The following FBXO11 variants were observed in gnomAD, a reference collection of about 807,000 sequenced individuals.
The protein encoded by FBXO11 is F-box protein 11, also known as F-box only protein 11.
Under a neutral mutation model 117.0 loss-of-function variants are expected in FBXO11, and 13 were observed. That is an observed-to-expected ratio of 0.11 (90% CI 0.07 to 0.18). The LOEUF is 0.18. Among genes scored for constraint, FBXO11 ranks in the 10% least tolerant of loss-of-function variants. The pLI is 1.00. For missense variants in FBXO11, 767 were observed against 1,164.4 expected, an observed-to-expected ratio of 0.66 and a Z score of 4.97; for synonymous variants, 490 against 380.5, an observed-to-expected ratio of 1.29 and a Z score of -3.35.
chr2:47,898,107 G>A (rs938803077), intron 1 of FBXO11, among the ~76,000 whole-genome samples: 1 of 152,226 alleles, frequency 6.6e-6, no homozygotes, highest in African/African-American at 2.4e-5. Flanking sequence ...TAGAAACTGG[G>A]AGAGCAAGCA....
rs1223334089 is a variant in FBXO11, at chr2:47,845,148, C to G, written c.233-5379G>C. 3.3e-5 allele frequency among the ~76,000 whole-genome samples: 5 copies of G among 151,288 alleles called. No homozygotes were observed. The East Asian group carries it at 9.7e-4, about 29-fold the overall frequency. On this transcript the variant is annotated intron_variant, in intron 1 of 22. Coordinates refer to ENST00000403359, the MANE Select transcript of FBXO11 (RefSeq NM_001190274.2). ...GGACCTTATTACTACAGACACCCAC[C>G]CACCCCACCCTGGAATCCTTTGCTT... is the stretch of plus-strand genomic sequence containing the variant.
In FBXO11 at chr2:47,887,332, AT is replaced by A. The variant is rs779106767; in HGVS notation, c.232+18156del. Among the ~76,000 whole-genome samples the A allele has an allele frequency of 4.9e-3, 700 of 144,006 alleles. 1 individual carries two copies. The highest frequency in any genetic ancestry group is 6.0e-3 in the African/African-American group (237 of 39,542). 94.5% of individuals were successfully genotyped at this position (144,006 alleles called of 152,430 possible). A position where few individuals can be genotyped will look rare whatever the true frequency, so the allele number is the denominator to read the frequency against. On this transcript the variant is annotated intron_variant, in intron 1 of 22. Transcript: ENST00000403359. ...GGGGGGAGACAAGACCCTATCTCGA[AT>A]TTTTTTTTTTTTTCTTTTCAAAAGA...
At chr2:47,838,713 AT>A (rs2104854805) in intron 4 of FBXO11, 145 bp downstream of exon 4, 1 of 654,964 alleles carries the variant, frequency 1.5e-6, no homozygotes, top group South Asian at 2.4e-5. Flanking sequence ...GACAGCCCCC[AT>A]TTGTAACTTG....
At chr2:47,897,701 C>CAA (rs60982405) in intron 1 of FBXO11, among the ~76,000 whole-genome samples, 1,912 of 103,046 alleles carry the variant, frequency 0.019, 28 homozygotes, top group African/African-American at 0.059. Context: ...TGTCTTAAAC[C>CAA]AAAAAAAAAA....
At chr2:47,830,997 C>T (rs757744047) in intron 11 of FBXO11, among the ~76,000 whole-genome samples, 2 of 152,050 alleles carry the variant, frequency 1.3e-5, no homozygotes, top group Non-Finnish European at 2.9e-5. Flanking sequence ...CAGAGTTTCA[C>T]CATGTTGTCC....
chr2:47,845,430 G>C (rs1468471044), intron 1 of FBXO11, among the ~76,000 whole-genome samples: 2 of 152,084 alleles, frequency 1.3e-5, no homozygotes, highest in African/African-American at 4.8e-5. Context: ...TTTCTACATA[G>C]TTCTCATATT....
At chr2:47,841,902 G>C (rs1276373128) in intron 1 of FBXO11, among the ~76,000 whole-genome samples, 1 of 151,934 alleles carries the variant, frequency 6.6e-6, no homozygotes, top group Admixed American at 6.6e-5. Flanking sequence ...GCCTCCCAAA[G>C]GGCTGGGATT....
intron 1 of FBXO11, among the ~76,000 whole-genome samples, chr2:47,898,790 G>C (rs185656393): frequency 6.6e-6 from 1 of 152,262 alleles, no homozygotes; most frequent in Non-Finnish European, 1.5e-5. Context: ...GCAGGTTATT[G>C]CATCCCCTGA....
At chr2:47,889,021 A>G (rs1489531983) in intron 1 of FBXO11, among the ~76,000 whole-genome samples, 2 of 152,204 alleles carry the variant, frequency 1.3e-5, no homozygotes, top group Non-Finnish European at 2.9e-5. Flanking sequence ...ACTAGAGAAG[A>G]TGAAGGAAAA....
chr2:47,824,058 G>C (rs561419155), intron 11 of FBXO11, among the ~76,000 whole-genome samples: 22 of 152,242 alleles, frequency 1.4e-4, no homozygotes, highest in African/African-American at 5.3e-4. Flanking sequence ...ATAAGTCCAA[G>C]TACATTCAAA....
intron 14 of FBXO11, among the ~76,000 whole-genome samples, chr2:47,819,842 A>C (rs1289488153): frequency 1.3e-5 from 2 of 152,256 alleles, no homozygotes; most frequent in Non-Finnish European, 2.9e-5. Flanking sequence ...AATGCCTTGC[A>C]TAAGGACCTT....
intron 1 of FBXO11, among the ~76,000 whole-genome samples, chr2:47,901,581 A>C (rs1678305341): frequency 6.6e-6 from 1 of 152,140 alleles, no homozygotes; most frequent in Non-Finnish European, 1.5e-5. Flanking sequence ...TTACCTATTC[A>C]AAGTAATTAA....
chr2:47,878,409 G>A (rs1676171246), intron 1 of FBXO11, among the ~76,000 whole-genome samples: 1 of 151,834 alleles, frequency 6.6e-6, no homozygotes, highest in Admixed American at 6.6e-5. Context: ...CCAGGCTGGA[G>A]TGCAGTAGCA....
At chr2:47,860,051 GGAGACAT>G (rs1235115438) in intron 1 of FBXO11, among the ~76,000 whole-genome samples, 2 of 152,126 alleles carry the variant, frequency 1.3e-5, no homozygotes, top group African/African-American at 4.8e-5. Flanking sequence ...AATAAGCTTA[GGAGACAT>G]GTCTGTTTTT....
chr2:47,901,128 CAT>C (rs1491229932), intron 1 of FBXO11, among the ~76,000 whole-genome samples: 1 of 84,512 alleles, frequency 1.2e-5, no homozygotes, highest in Non-Finnish European at 2.2e-5. Context: ...CACGTGTGTA[CAT>C]GTATATATAT....
intron 1 of FBXO11, among the ~76,000 whole-genome samples, chr2:47,853,486 T>C (rs975883521): frequency 6.6e-6 from 1 of 152,176 alleles, no homozygotes; most frequent in East Asian, 1.9e-4. Context: ...TCCTCAGATG[T>C]TTTAGTATTG....
At chr2:47,839,389 C>T (rs750425722) in intron 3 of FBXO11, 30 bp downstream of exon 3, 13 of 1,575,690 alleles carry the variant, frequency 8.3e-6, no homozygotes, top group Non-Finnish European at 1.1e-5. Flanking sequence ...AATTATTTTA[C>T]CCTATTTGTT....
Position 47,810,350 on chromosome 2 carries a change from T to C in FBXO11, c.2304A>G (p.Leu768=). 6.2e-7 allele frequency: 1 copy of C among 1,609,408 alleles called. No homozygotes were observed. The highest frequency in any genetic ancestry group is 2.2e-5 in the East Asian group (1 of 44,822). The change falls in exon 19 of 23, where the codon TTA becomes TTG. Residue 768 remains leucine, a synonymous_variant. Coordinates refer to ENST00000403359, the MANE Select transcript of FBXO11 (RefSeq NM_001190274.2). ...ATCCATCAAATATTCTGTTTTTCCT[T>C]AAGATTGGATGACTATTAGTGCTGA... ...VLISTNSHPI[L]RKNRIFDGFA... is the part of the protein sequence containing the mutation.
At chr2:47,831,368 T>C (rs1672170804) in intron 11 of FBXO11, among the ~76,000 whole-genome samples, 1 of 132,354 alleles carries the variant, frequency 7.6e-6, no homozygotes. Flanking sequence ...TGAGCCAAGA[T>C]CACACCATTG....
Sources: gnomAD v4.1 joint callset for allele counts (sites outside exome capture counted in the v4.1 genomes callset) on GRCh38, gnomAD v4.1.1 for gene constraint, MANE v1.5 for transcripts, NCBI Gene and HGNC (gene_info 2026-07-23, HGNC 2026-07-21) for gene names.